Variants in NSA2 observed in about 807,000 individuals in gnomAD.
NSA2 encodes the protein NSA2 ribosome biogenesis factor.
Under a neutral mutation model 34.8 loss-of-function variants are expected in NSA2, and 18 were observed. That is an observed-to-expected ratio of 0.52 (90% CI 0.36 to 0.77). The LOEUF is 0.77. NSA2 is among the 30% of genes least tolerant of loss of function. NSA2 has a pLI of 0.00. For missense variants in NSA2, 188 were observed against 314.7 expected (o/e 0.60, Z 3.05); for synonymous variants, 79 against 100.2 (o/e 0.79, Z 1.26).
At position 74,779,370 on chromosome 5, in the gene NSA2, C is replaced by T. The variant is rs796583757; in HGVS notation, c.*2699C>T. The T allele has an allele frequency of 6.6e-6, 1 of 152,038 alleles. No homozygotes were observed. The highest frequency in any genetic ancestry group is 1.5e-5 in the Non-Finnish European group (1 of 67,990). The allele number at this position is 152,038 out of a possible 1,614,324, so 9.4% of individuals were successfully genotyped here. On this transcript the variant is annotated 3_prime_UTR_variant, in exon 6 of 6. Coordinates refer to ENST00000610426, the MANE Select transcript of NSA2 (RefSeq NM_014886.6). ...CAATACAGGGAAAATTAGCATGGCC[C>T]CTGTGCAAGGATGACACAAATTCAT...
intron 5 of NSA2, among the ~76,000 whole-genome samples, chr5:74,776,308 T>C (rs1745118288): frequency 1.3e-5 from 2 of 152,170 alleles, no homozygotes; most frequent in African/African-American, 4.8e-5. Flanking sequence ...GAGCCCAGCC[T>C]GGGCAACATG....
chr5:74,776,873 A>C lies in NSA2; in HGVS notation c.*202A>C, dbSNP rs1432288274. 1 of 405,374 alleles carries C rather than the reference A, an allele frequency of 2.5e-6. No individual in the cohort carries two copies. The highest frequency in any genetic ancestry group is 4.5e-6 in the Non-Finnish European group (1 of 223,486). The allele number at this position is 405,374 out of a possible 1,614,324, so 25.1% of individuals were successfully genotyped here. ...GACCCCATGTTCATAAAACTGAATG[A>C]TTGAAAAAAAGCAAATATACAAATA... On this transcript the variant is annotated 3_prime_UTR_variant, in exon 6 of 6. Coordinates refer to ENST00000610426, the MANE Select transcript of NSA2 (RefSeq NM_014886.6).
rs1274692094 is a variant in NSA2, at chr5:74,775,247, AAC to A, written c.715+1191_715+1192del. Among the ~76,000 whole-genome samples the A allele has an allele frequency of 7.2e-5, 11 of 152,000 alleles. 1 individual carries two copies. Among genetic ancestry groups the A allele is most frequent in the Admixed American group, 5.9e-4 (9 of 15,266 alleles). ...TAATAATAATAATTGAAAGTGATTT[AAC>A]ACAGTTTAGTTCGTTCTGTTAATTC... On this transcript the variant is annotated intron_variant, in intron 5 of 5. Coordinates refer to ENST00000610426, the MANE Select transcript of NSA2 (RefSeq NM_014886.6).
At position 74,776,748 on chromosome 5, in the gene NSA2, T is replaced by C; in HGVS notation, c.*77T>C. The C allele has an allele frequency of 5.1e-6, 4 of 785,906 alleles. No individual in the cohort carries two copies. In the South Asian group the frequency reaches 5.8e-5, roughly 11 times the overall value. The allele number at this position is 785,906 out of a possible 1,614,324, so 48.7% of individuals were successfully genotyped here. ...CCATTACTGTGATGTTTCTGAATAC[T>C]ACCAAACAGCCATACATGTCTGCAA... On this transcript the variant is annotated 3_prime_UTR_variant, in exon 6 of 6. Coordinates refer to ENST00000610426, the MANE Select transcript of NSA2 (RefSeq NM_014886.6).
chr5:74,770,558 A>G, intron 3 of NSA2, 73 bp from the exon 4 acceptor site: 1 of 1,240,278 alleles, frequency 8.1e-7, no homozygotes, highest in Admixed American at 2.4e-5. Context: ...ACTTTGTACA[A>G]CTAAAACATA....
chr5:74,774,478 C>T (rs947865756), intron 5 of NSA2, among the ~76,000 whole-genome samples: 16 of 151,972 alleles, frequency 1.1e-4, no homozygotes, highest in Non-Finnish European at 1.6e-4. Context: ...GTGGCGAGCA[C>T]CTCTAATCCC....
chr5:74,774,898 A>ACTAT (rs1340193843), intron 5 of NSA2, among the ~76,000 whole-genome samples: 2 of 152,254 alleles, frequency 1.3e-5, no homozygotes, highest in East Asian at 1.9e-4. Flanking sequence ...AAGAAATAGA[A>ACTAT]CTATCTGTCC....
chr5:74,773,254 T>G (rs916357424), intron 4 of NSA2, among the ~76,000 whole-genome samples: 1 of 151,854 alleles, frequency 6.6e-6, no homozygotes, highest in African/African-American at 2.4e-5. Flanking sequence ...GCCTGGTATA[T>G]ATAAAGTCCT....
intron 4 of NSA2, 42 bp downstream of exon 4, chr5:74,770,852 C>CT: frequency 7.3e-7 from 1 of 1,361,470 alleles, no homozygotes; most frequent in Non-Finnish European, 9.9e-7. Flanking sequence ...TGTTAGTTGA[C>CT]TTTATTAAAT....
rs1285137994 is a variant in NSA2, at chr5:74,777,719, A to AT, written c.*1048_*1049insT. On this transcript the variant is annotated 3_prime_UTR_variant, in exon 6 of 6. Transcript: ENST00000610426. ...TTCATGAGGAAAACTGAAGGAAAGGAATTTAAAAACACAGACCAGGAAACA... is the reference window on the plus strand; with the variant it reads ...TTCATGAGGAAAACTGAAGGAAAGGATATTTAAAAACACAGACCAGGAAACA... 2.6e-5 allele frequency: 4 copies of AT among 152,104 alleles called. No homozygotes were observed. Among genetic ancestry groups the AT allele is most frequent in the Admixed American group, 2.6e-4 (4 of 15,272 alleles). 9.4% of individuals were successfully genotyped at this position (152,104 alleles called of 1,614,324 possible).
rs1196409613 is a variant in NSA2, at chr5:74,778,767, T to C, written c.*2096T>C. Reference sequence around the variant, plus strand: ...TATTACACAAGGAAATATACACGTATGTACATAAAAAGTGAACTCCCTTCA... The same window carrying C: ...TATTACACAAGGAAATATACACGTACGTACATAAAAAGTGAACTCCCTTCA... On this transcript the variant is annotated 3_prime_UTR_variant, in exon 6 of 6. Coordinates refer to ENST00000610426, the MANE Select transcript of NSA2 (RefSeq NM_014886.6). The C allele has an allele frequency of 1.3e-5, 2 of 152,080 alleles. No individual in the cohort carries two copies. The highest frequency in any genetic ancestry group is 4.8e-5 in the African/African-American group (2 of 41,450). The allele number at this position is 152,080 out of a possible 1,614,324, so 9.4% of individuals were successfully genotyped here.
rs1745137312 is a variant in NSA2, at chr5:74,776,611, T to C, written c.723T>C (p.Tyr241=). ...TGGTTTTGTTTTCCTTAGGAAAATA[T>C]GCCCAGGTTACCAACAATCCTGAAA... ...TQGGKVIWGK[Y]AQVTNNPEND... is the part of the protein sequence containing the mutation. The change falls in exon 6 of 6, where the codon TAT becomes TAC. Residue 241 remains tyrosine, a synonymous_variant. Transcript: ENST00000610426. 2 of 1,585,196 alleles carry C rather than the reference T, an allele frequency of 1.3e-6. No homozygotes were observed. The highest frequency in any genetic ancestry group is 1.7e-5 in the Admixed American group (1 of 59,952).
At position 74,773,872 on chromosome 5, in the gene NSA2, T is replaced by G. The variant is rs746720301; in HGVS notation, c.527T>G (p.Leu176Trp). 1.9e-6 allele frequency: 3 copies of G among 1,611,868 alleles called. No homozygotes were observed. The highest frequency in any genetic ancestry group is 2.5e-6 in the Non-Finnish European group (3 of 1,178,834). Residue 176 changes from leucine (L) to tryptophan (W), a missense_variant, in exon 5 of 6, where the codon TTG becomes TGG. Transcript: ENST00000610426. ...ATGTTGTGTTTGACTTACTAGGGCTTGCGTTTCAAGAAAGCCCATGTAACA... is the reference window on the plus strand; with the variant it reads ...ATGTTGTGTTTGACTTACTAGGGCTGGCGTTTCAAGAAAGCCCATGTAACA... ...KYERFIRPMG[L>W]RFKKAHVTHP...
chr5:74,776,860 A>G lies in NSA2; in HGVS notation c.*189A>G. 7.0e-6 allele frequency: 3 copies of G among 427,452 alleles called. No individual in the cohort carries two copies. The highest frequency in any genetic ancestry group is 6.4e-4 in the Middle Eastern group (1 of 1,562). 26.5% of individuals were successfully genotyped at this position (427,452 alleles called of 1,614,324 possible). A position where few individuals can be genotyped will look rare whatever the true frequency, so the allele number is the denominator to read the frequency against. On this transcript the variant is annotated 3_prime_UTR_variant, in exon 6 of 6. Coordinates refer to ENST00000610426, the MANE Select transcript of NSA2 (RefSeq NM_014886.6). Reference sequence around the variant, plus strand: ...TGAAATACGCTTTGACCCCATGTTCATAAAACTGAATGATTGAAAAAAAGC... The same window carrying G: ...TGAAATACGCTTTGACCCCATGTTCGTAAAACTGAATGATTGAAAAAAAGC...
In NSA2 at chr5:74,769,064, A is replaced by G. The variant is rs773129897; in HGVS notation, c.137A>G (p.Lys46Arg). The change falls in exon 2 of 6, where the codon AAG becomes AGG. Residue 46 changes from lysine to arginine, a missense_variant. Physicochemically the swap from Lys to Arg is conservative, Grantham distance 26. Transcript: ENST00000610426. ...AAGGCAAAGAAAATGATTGGTCTGAAGGCTAAGCTTTACCATAAACAGCGT... is the reference window on the plus strand; with the variant it reads ...AAGGCAAAGAAAATGATTGGTCTGAGGGCTAAGCTTTACCATAAACAGCGT... Reference protein sequence around the residue: ...SKKAKKMIGLKAKLYHKQRHA... With the variant: ...SKKAKKMIGLRAKLYHKQRHA... The G allele has an allele frequency of 6.2e-7, 1 of 1,612,422 alleles. No homozygotes were observed. Among genetic ancestry groups the G allele is most frequent in the Non-Finnish European group, 8.5e-7 (1 of 1,179,706 alleles).
At chr5:74,775,240 G>A (rs1343665653) in intron 5 of NSA2, among the ~76,000 whole-genome samples, 1 of 151,826 alleles carries the variant, frequency 6.6e-6, no homozygotes, top group South Asian at 2.1e-4. Flanking sequence ...ATAATTGAAA[G>A]TGATTTAACA....
chr5:74,772,719 C>G (rs111387502), intron 4 of NSA2, among the ~76,000 whole-genome samples: 124 of 152,280 alleles, frequency 8.1e-4, no homozygotes, highest in African/African-American at 2.8e-3. Flanking sequence ...AGAGAATATA[C>G]AAGTCAGGCT....
intron 1 of NSA2, among the ~76,000 whole-genome samples, 183 bp from the exon 2 acceptor site, chr5:74,768,748 G>C (rs1744807084): frequency 6.6e-6 from 1 of 152,148 alleles, no homozygotes; most frequent in African/African-American, 2.4e-5. Flanking sequence ...AAGCCCTGAT[G>C]CCTCATATCA....
intron 5 of NSA2, among the ~76,000 whole-genome samples, chr5:74,775,167 G>A (rs1314765918): frequency 6.6e-6 from 1 of 152,206 alleles, no homozygotes; most frequent in African/African-American, 2.4e-5. Context: ...AGTGAGCTGA[G>A]ATCGTGCCAT....
Sources: gnomAD v4.1 joint callset for allele counts (sites outside exome capture counted in the v4.1 genomes callset) on GRCh38, gnomAD v4.1.1 for gene constraint, MANE v1.5 for transcripts, NCBI Gene and HGNC (gene_info 2026-07-23, HGNC 2026-07-21) for gene names.